The following XRCC4 variants were observed in gnomAD, a reference collection of about 807,000 sequenced individuals.
XRCC4 encodes the protein X-ray repair cross complementing 4, also known as DNA repair protein XRCC4.
A neutral mutation model predicts 39.1 loss-of-function variants in XRCC4; 28 were observed. That is an observed-to-expected ratio of 0.72 (90% CI 0.53 to 0.98). The LOEUF (loss-of-function observed/expected upper bound fraction) is 0.98. Ranked by LOEUF, XRCC4 falls within the 50% of genes least tolerant of loss-of-function variation. The pLI is 0.00. For synonymous variants in XRCC4, 123 were observed against 126.4 expected (o/e 0.97, Z 0.18); for missense variants, 350 against 376.4 (o/e 0.93, Z 0.58).
At chr5:83,161,304 G>T (rs780682680) in intron 3 of XRCC4, among the ~76,000 whole-genome samples, 1 of 151,890 alleles carries the variant, frequency 6.6e-6, no homozygotes, top group Admixed American at 6.6e-5. Flanking sequence ...TTTGATTTTC[G>T]TATTTTTAGT....
intron 7 of XRCC4, among the ~76,000 whole-genome samples, chr5:83,324,989 T>G (rs1219755990): frequency 6.6e-6 from 1 of 152,104 alleles, no homozygotes; most frequent in Non-Finnish European, 1.5e-5. Flanking sequence ...TTGGGAACCC[T>G]TCAAGTGATT....
intron 7 of XRCC4, among the ~76,000 whole-genome samples, chr5:83,294,414 C>T (rs1407957563): frequency 6.6e-6 from 1 of 152,024 alleles, no homozygotes; most frequent in African/African-American, 2.4e-5. Context: ...AATAGCTTTA[C>T]CGATTACTTT....
At chr5:83,234,575 T>C (rs937356455) in intron 6 of XRCC4, among the ~76,000 whole-genome samples, 8 of 152,134 alleles carry the variant, frequency 5.3e-5, no homozygotes, top group Non-Finnish European at 1.0e-4. Context: ...TATCTGATTT[T>C]TGAGAGGTCC....
intron 6 of XRCC4, among the ~76,000 whole-genome samples, chr5:83,225,924 T>C (rs144863249): frequency 5.5e-4 from 83 of 152,190 alleles, no homozygotes; most frequent in Admixed American, 1.3e-3. Context: ...GAGACTCTTA[T>C]ATGCCTCTGC....
At chr5:83,135,046 G>A (rs753812719) in intron 3 of XRCC4, among the ~76,000 whole-genome samples, 4 of 152,188 alleles carry the variant, frequency 2.6e-5, no homozygotes, top group East Asian at 1.9e-4. Context: ...GCGAGGGTCC[G>A]CAGCTTCATT....
chr5:83,088,613 G>T lies in XRCC4; in HGVS notation c.-11+10998G>T, dbSNP rs185303555. On this transcript the variant is annotated intron_variant, in intron 1 of 7. Transcript: ENST00000396027. ...TGCTTCTCTTGCACAAAGTAGTGTG[G>T]CTTCATTTGTTAATAAACATTTCAT... 7.9e-5 allele frequency among the ~76,000 whole-genome samples: 12 copies of T among 152,246 alleles called. No individual in the cohort carries two copies. In the East Asian group the frequency reaches 2.3e-3, roughly 29 times the overall value.
At chr5:83,163,888 G>A (rs188396535) in intron 3 of XRCC4, among the ~76,000 whole-genome samples, 3 of 152,196 alleles carry the variant, frequency 2.0e-5, no homozygotes, top group Non-Finnish European at 4.4e-5. Flanking sequence ...TCAGAAACAT[G>A]TCCCTTGAGA....
chr5:83,227,635 A>G (rs954045115), intron 6 of XRCC4, among the ~76,000 whole-genome samples: 31 of 152,108 alleles, frequency 2.0e-4, no homozygotes, highest in Non-Finnish European at 3.2e-4. Flanking sequence ...GCAAGTAACT[A>G]ACACTCAATT....
chr5:83,163,034 C>T (rs1749295400), intron 3 of XRCC4, among the ~76,000 whole-genome samples: 1 of 150,210 alleles, frequency 6.7e-6, no homozygotes, highest in Non-Finnish European at 1.5e-5. Flanking sequence ...ACTGCAACCT[C>T]CACCTCCCAA....
At chr5:83,262,637 A>G (rs1753792474) in intron 7 of XRCC4, among the ~76,000 whole-genome samples, 1 of 152,054 alleles carries the variant, frequency 6.6e-6, no homozygotes, top group South Asian at 2.1e-4. Flanking sequence ...TTTATAATGA[A>G]TTGTTTTATT....
At chr5:83,145,148 G>A (rs1272384557) in intron 3 of XRCC4, among the ~76,000 whole-genome samples, 1 of 152,138 alleles carries the variant, frequency 6.6e-6, no homozygotes, top group African/African-American at 2.4e-5. Context: ...GCCTGCCTCG[G>A]CCTCCCACAG....
chr5:83,227,574 G>A (rs1020793851), intron 6 of XRCC4, among the ~76,000 whole-genome samples: 1 of 151,912 alleles, frequency 6.6e-6, no homozygotes, highest in African/African-American at 2.4e-5. Context: ...TTTCAAGATC[G>A]TTATCTAAAG....
At chr5:83,309,180 G>T (rs1755595233) in intron 7 of XRCC4, among the ~76,000 whole-genome samples, 1 of 145,378 alleles carries the variant, frequency 6.9e-6, no homozygotes, top group Admixed American at 7.1e-5. Context: ...TCGGGAGGCT[G>T]AGGCAGGAGA....
chr5:83,162,080 T>C (rs958499567), intron 3 of XRCC4, among the ~76,000 whole-genome samples: 1 of 152,036 alleles, frequency 6.6e-6, no homozygotes, highest in African/African-American at 2.4e-5. Flanking sequence ...GGCAGGAGTG[T>C]GGCATGAACC....
At chr5:83,316,659 TA>T (rs1755897342) in intron 7 of XRCC4, among the ~76,000 whole-genome samples, 1 of 127,206 alleles carries the variant, frequency 7.9e-6, no homozygotes, top group South Asian at 2.9e-4. Context: ...CTAACTATCC[TA>T]AATATTTATG....
At chr5:83,139,577 A>G (rs1369704623) in intron 3 of XRCC4, among the ~76,000 whole-genome samples, 1 of 152,192 alleles carries the variant, frequency 6.6e-6, no homozygotes, top group Admixed American at 6.5e-5. Context: ...CAGTGGGGAT[A>G]TGTTCTGAGA....
chr5:83,132,785 A>C (rs532337600), intron 3 of XRCC4, among the ~76,000 whole-genome samples: 1 of 151,966 alleles, frequency 6.6e-6, no homozygotes, highest in African/African-American at 2.4e-5. Flanking sequence ...CATTCATCTC[A>C]TCTTTTTTCA....
At chr5:83,081,763 A>G (rs1374845542) in intron 1 of XRCC4, among the ~76,000 whole-genome samples, 1 of 152,090 alleles carries the variant, frequency 6.6e-6, no homozygotes, top group African/African-American at 2.4e-5. Context: ...TTTCAACCCC[A>G]TTTGTTTGCT....
At chr5:83,161,797 A>G (rs756545490) in intron 3 of XRCC4, among the ~76,000 whole-genome samples, 4 of 152,020 alleles carry the variant, frequency 2.6e-5, no homozygotes, top group Non-Finnish European at 5.9e-5. Context: ...TTATGATTTC[A>G]TGTGAATTTG....
Sources: gnomAD v4.1 joint callset for allele counts (sites outside exome capture counted in the v4.1 genomes callset) on GRCh38, gnomAD v4.1.1 for gene constraint, MANE v1.5 for transcripts, NCBI Gene and HGNC (gene_info 2026-07-23, HGNC 2026-07-21) for gene names.